The following RAD23B variants were observed in gnomAD, a reference collection of about 807,000 sequenced individuals.
RAD23B encodes the protein lysine-specific demethylase RAD23B.
A neutral mutation model predicts 49.1 loss-of-function variants in RAD23B; 5 were observed. The observed-to-expected ratio is 0.10, with a 90% CI of 0.05 to 0.21. The LOEUF is 0.21. Ranked by LOEUF, RAD23B falls within the 10% of genes least tolerant of loss-of-function variation. RAD23B has a pLI of 1.00. For synonymous variants in RAD23B, 184 were observed against 165.4 expected (o/e 1.11, Z -0.86); for missense variants, 356 against 486.7 (o/e 0.73, Z 2.53).
chr9:107,328,742 A>G (rs1348100469), intron 9 of RAD23B, among the ~76,000 whole-genome samples: 1 of 152,234 alleles, frequency 6.6e-6, no homozygotes, highest in Non-Finnish European at 1.5e-5. Flanking sequence ...GGCTGGTGCC[A>G]GTTCACGGTC....
At chr9:107,297,834 TAA>T (rs774265700) in intron 1 of RAD23B, among the ~76,000 whole-genome samples, 4 of 152,218 alleles carry the variant, frequency 2.6e-5, no homozygotes, top group Non-Finnish European at 5.9e-5. Context: ...ATGAAATATT[TAA>T]GTCTGTCTTA....
Position 107,302,063 on chromosome 9 carries a change from C to G in RAD23B, c.177C>G (p.Leu59=). The stretch of plus-strand genomic sequence containing the variant: ...AAATCCTCAATGATGATACTGCTCT[C>G]AAAGAATATAAAATTGATGAGAAAA... ...AGKILNDDTA[L]KEYKIDEKNF... The change falls in exon 3 of 10, where the codon CTC becomes CTG. Residue 59 remains leucine (L), a synonymous_variant. Coordinates refer to ENST00000358015, the MANE Select transcript of RAD23B (RefSeq NM_002874.5). 1.9e-6 allele frequency: 3 copies of G among 1,612,748 alleles called. No homozygotes were observed. The Admixed American group carries it at 5.0e-5, about 27-fold the overall frequency.
rs562644519 is a variant in RAD23B, at chr9:107,300,283, GTTATC to G, written c.148+66_148+70del. On this transcript the variant is annotated intron_variant, in intron 2 of 9. Transcript: ENST00000358015. ...TTGATATTCTTTTAGTTTTAGAAAT[GTTATC>G]TTATATATTGTAGTATATTCAAATT... The G allele has an allele frequency of 2.4e-4, 370 of 1,535,432 alleles. 1 individual carries two copies. The African/African-American group carries it at 3.7e-3, about 15-fold the overall frequency.
chr9:107,291,359 AT>A (rs1833381533), intron 1 of RAD23B, among the ~76,000 whole-genome samples: 1 of 152,214 alleles, frequency 6.6e-6, no homozygotes, highest in African/African-American at 2.4e-5. Context: ...AATAGATTAA[AT>A]TGGCATGAAT....
At chr9:107,321,866 T>G in intron 6 of RAD23B, 117 bp from the exon 7 acceptor site, 1 of 1,105,860 alleles carries the variant, frequency 9.0e-7, no homozygotes, top group Non-Finnish European at 1.2e-6. Flanking sequence ...GAAGCAGACA[T>G]CTGTTTGATG....
chr9:107,283,345 C>T lies in RAD23B; in HGVS notation c.-285C>T, dbSNP rs1157470541. 1.4e-5 allele frequency: 6 copies of T among 419,630 alleles called. No individual in the cohort carries two copies. Among genetic ancestry groups the T allele is most frequent in the Admixed American group, 4.4e-5 (1 of 22,794 alleles). 26.0% of individuals were successfully genotyped at this position (419,630 alleles called of 1,614,324 possible). On this transcript the variant is annotated 5_prime_UTR_variant, in exon 1 of 10. Transcript: ENST00000358015. ...GGATTCCCTGCTTGTCTCGCCGACC[C>T]CCTCGCGCCTTCTGCAGACTCCGTG...
chr9:107,285,679 C>T (rs1014308686), intron 1 of RAD23B, among the ~76,000 whole-genome samples: 1 of 152,112 alleles, frequency 6.6e-6, no homozygotes, highest in East Asian at 1.9e-4. Flanking sequence ...TTTTGAAAAG[C>T]CCATTGTTAG....
Position 107,324,988 on chromosome 9 carries a change from A to T in RAD23B, c.1100A>T (p.Lys367Ile). The stretch of plus-strand genomic sequence containing the variant: ...TACATTCAAGTAACACCTCAGGAAA[A>T]AGAAGCTATAGAAAGGGTGAGTTTA... ...MNYIQVTPQE[K>I]EAIERLKALG... The change falls in exon 9 of 10, where the codon AAA becomes ATA. Residue 367 changes from lysine (K) to isoleucine (I), a missense_variant. Lys to Ile is a moderately radical substitution (Grantham distance 102). Around this residue, in one of 5 missense-constraint regions of RAD23B, gnomAD observed 148 missense variants for 231.7 expected, o/e 0.64. Coordinates refer to ENST00000358015, the MANE Select transcript of RAD23B (RefSeq NM_002874.5). The T allele has an allele frequency of 6.2e-7, 1 of 1,613,436 alleles. No homozygotes were observed. Among genetic ancestry groups the T allele is most frequent in the Non-Finnish European group, 8.5e-7 (1 of 1,179,844 alleles).
intron 3 of RAD23B, among the ~76,000 whole-genome samples, chr9:107,303,679 G>A (rs1385537951): frequency 2.0e-5 from 3 of 152,060 alleles, no homozygotes; most frequent in African/African-American, 7.2e-5. Flanking sequence ...TAATGTCATT[G>A]AGGTTCATCT....
chr9:107,313,930 C>T (rs1826940550), intron 5 of RAD23B, among the ~76,000 whole-genome samples: 1 of 151,794 alleles, frequency 6.6e-6, no homozygotes, highest in Non-Finnish European at 1.5e-5. Context: ...CTTCCTCCTT[C>T]CTTCCTTTCT....
At chr9:107,314,502 G>C (rs1215542919) in intron 5 of RAD23B, among the ~76,000 whole-genome samples, 2 of 152,090 alleles carry the variant, frequency 1.3e-5, no homozygotes, top group African/African-American at 4.8e-5. Flanking sequence ...CCATGTTGCT[G>C]TAAAAAAGAC....
intron 1 of RAD23B, among the ~76,000 whole-genome samples, chr9:107,285,514 GT>G: frequency 6.6e-6 from 1 of 152,314 alleles, no homozygotes; most frequent in Middle Eastern, 3.4e-3. Flanking sequence ...AAGTATTTAC[GT>G]TCTGTAAGAT....
chr9:107,303,322 G>A (rs1826696615), intron 3 of RAD23B, among the ~76,000 whole-genome samples: 1 of 152,092 alleles, frequency 6.6e-6, no homozygotes, highest in South Asian at 2.1e-4. Flanking sequence ...AAATAGAGTC[G>A]AAGAAATAAA....
At chr9:107,296,182 G>T (rs574364428) in intron 1 of RAD23B, among the ~76,000 whole-genome samples, 33 of 152,168 alleles carry the variant, frequency 2.2e-4, no homozygotes, top group Non-Finnish European at 4.3e-4. Context: ...ATTTTAGACA[G>T]GTCAGTGCAC....
intron 1 of RAD23B, among the ~76,000 whole-genome samples, chr9:107,299,336 A>G (rs1281553055): frequency 1.3e-5 from 2 of 152,216 alleles, no homozygotes; most frequent in African/African-American, 2.4e-5. Flanking sequence ...ATAAAGGCAA[A>G]TGGGAAAGCC....
At chr9:107,309,274 A>G (rs771242330) in intron 4 of RAD23B, among the ~76,000 whole-genome samples, 11 of 152,212 alleles carry the variant, frequency 7.2e-5, no homozygotes, top group Non-Finnish European at 1.3e-4. Flanking sequence ...GGATTCTCGG[A>G]CTTTGTAAAA....
chr9:107,322,699 C>T (rs1426981490), intron 7 of RAD23B, among the ~76,000 whole-genome samples: 1 of 152,304 alleles, frequency 6.6e-6, no homozygotes, highest in East Asian at 1.9e-4. Flanking sequence ...GTTCGTTCTT[C>T]TGTATATTAA....
At chr9:107,303,128 A>G (rs1273639614) in intron 3 of RAD23B, among the ~76,000 whole-genome samples, 1 of 152,152 alleles carries the variant, frequency 6.6e-6, no homozygotes, top group Non-Finnish European at 1.5e-5. Context: ...TAAGAGACAA[A>G]TGGAGAAGTG....
At chr9:107,296,857 CT>C (rs10718657) in intron 1 of RAD23B, among the ~76,000 whole-genome samples, 86,375 of 126,184 alleles carry the variant, frequency 0.68, 29,058 homozygotes, top group African/African-American at 0.8. Flanking sequence ...TTTTTAATTG[CT>C]TTTTTTTTTT....
Sources: gnomAD v4.1 joint callset for allele counts (sites outside exome capture counted in the v4.1 genomes callset) on GRCh38, gnomAD v4.1.1 for gene constraint, gnomAD v4.1.1 regional missense constraint, MANE v1.5 for transcripts, NCBI Gene and HGNC (gene_info 2026-07-23, HGNC 2026-07-21) for gene names.